The following FAM135B variants were observed in gnomAD, a reference collection of about 807,000 sequenced individuals.
FAM135B encodes protein FAM135B.
A neutral mutation model predicts 127.7 loss-of-function variants in FAM135B; 43 were observed. The observed-to-expected ratio is 0.34, with a 90% CI of 0.26 to 0.43. The LOEUF (loss-of-function observed/expected upper bound fraction) is 0.43, where lower values mean the gene tolerates loss of function less well. Ranked by LOEUF, FAM135B falls within the 20% of genes least tolerant of loss-of-function variation. The pLI, the probability that FAM135B is intolerant of heterozygous loss-of-function variation, is 1.00. For synonymous variants in FAM135B, 670 were observed against 665.1 expected (o/e 1.01, Z -0.11); for missense variants, 1,558 against 1,725.6 (o/e 0.90, Z 1.72).
At chr8:138,261,219 C>G (rs1315413531) in intron 4 of FAM135B, among the ~76,000 whole-genome samples, 1 of 152,086 alleles carries the variant, frequency 6.6e-6, no homozygotes. Flanking sequence ...GCTCACGAAT[C>G]TGCATTTTGT....
At chr8:138,449,227 G>A (rs1019092979) in intron 1 of FAM135B, among the ~76,000 whole-genome samples, 2 of 152,272 alleles carry the variant, frequency 1.3e-5, no homozygotes, top group South Asian at 4.1e-4. Context: ...CATTACAACT[G>A]TATTAAGTAG....
chr8:138,476,932 G>A (rs773048628), intron 1 of FAM135B, among the ~76,000 whole-genome samples: 8 of 152,182 alleles, frequency 5.3e-5, no homozygotes, highest in Non-Finnish European at 8.8e-5. Context: ...GGGTTTTCCC[G>A]ATTATGGAGA....
chr8:138,453,272 T>C (rs909063388), intron 1 of FAM135B, among the ~76,000 whole-genome samples: 13 of 152,082 alleles, frequency 8.5e-5, no homozygotes, highest in Admixed American at 7.9e-4. Flanking sequence ...TTGCGAAAAG[T>C]TCACATTACA....
At chr8:138,468,011 T>A (rs1239319851) in intron 1 of FAM135B, among the ~76,000 whole-genome samples, 1 of 152,196 alleles carries the variant, frequency 6.6e-6, no homozygotes, top group African/African-American at 2.4e-5. Flanking sequence ...AATATGCATA[T>A]GCATATTTTA....
chr8:138,174,525 CCT>C (rs1307916273), intron 11 of FAM135B, among the ~76,000 whole-genome samples: 3 of 152,178 alleles, frequency 2.0e-5, no homozygotes, highest in South Asian at 2.1e-4. Flanking sequence ...TGAAATTCTC[CCT>C]CTGTTTTACA....
intron 1 of FAM135B, among the ~76,000 whole-genome samples, chr8:138,369,733 A>G (rs972122389): frequency 6.6e-6 from 1 of 152,158 alleles, no homozygotes; most frequent in Non-Finnish European, 1.5e-5. Flanking sequence ...TCAAAGCCGG[A>G]TGGAGGGGCA....
chr8:138,154,152 C>T (rs1818460436), intron 12 of FAM135B, among the ~76,000 whole-genome samples: 2 of 152,170 alleles, frequency 1.3e-5, no homozygotes, highest in African/African-American at 4.8e-5. Context: ...CTGCAGCCTC[C>T]ACTGGTGATA....
intron 12 of FAM135B, among the ~76,000 whole-genome samples, chr8:138,160,131 G>T (rs968797341): frequency 2.0e-5 from 3 of 152,126 alleles, no homozygotes; most frequent in African/African-American, 7.2e-5. Flanking sequence ...TGCCTGGGGG[G>T]TGGTAAGTCC....
intron 7 of FAM135B, among the ~76,000 whole-genome samples, chr8:138,224,902 G>C (rs1260332478): frequency 6.6e-6 from 1 of 152,174 alleles, no homozygotes; most frequent in African/African-American, 2.4e-5. Flanking sequence ...GTGTTTATTA[G>C]AGACTGGCTG....
chr8:138,343,542 A>G (rs1401592917), intron 2 of FAM135B, among the ~76,000 whole-genome samples: 1 of 152,220 alleles, frequency 6.6e-6, no homozygotes, highest in African/African-American at 2.4e-5. Context: ...ACTGAGCCAC[A>G]GCCAACACGG....
rs528472571 is a variant in FAM135B, at chr8:138,243,433, G to T, written c.543-365C>A. 2.0e-5 allele frequency among the ~76,000 whole-genome samples: 3 copies of T among 152,146 alleles called. No individual in the cohort carries two copies. The highest frequency in any genetic ancestry group is 4.4e-5 in the Non-Finnish European group (3 of 68,038). On this transcript the variant is annotated intron_variant, in intron 6 of 19. Coordinates refer to ENST00000395297, the MANE Select transcript of FAM135B (RefSeq NM_015912.4). The surrounding 1 kb of genome is among the most constrained non-coding windows in gnomAD (Gnocchi z 7.5). Reference sequence around the variant, plus strand: ...TCAGGGGCAACTCTGACCAGACAAGGTCTGAGTCCTGTCCCTGCTCCTTCC... The same window carrying T: ...TCAGGGGCAACTCTGACCAGACAAGTTCTGAGTCCTGTCCCTGCTCCTTCC...
intron 1 of FAM135B, among the ~76,000 whole-genome samples, chr8:138,399,259 C>T (rs1833014258): frequency 6.6e-6 from 1 of 152,052 alleles, no homozygotes; most frequent in African/African-American, 2.4e-5. Flanking sequence ...TATGATTATC[C>T]AACCCACAGC....
At chr8:138,360,191 A>T (rs1830334379) in intron 2 of FAM135B, among the ~76,000 whole-genome samples, 1 of 152,228 alleles carries the variant, frequency 6.6e-6, no homozygotes, top group South Asian at 2.1e-4. Flanking sequence ...TTAATATTTA[A>T]AACCAAATTT....
At chr8:138,178,821 T>C in intron 9 of FAM135B, 131 bp from the exon 10 acceptor site, 1 of 699,492 alleles carries the variant, frequency 1.4e-6, no homozygotes, top group Non-Finnish European at 2.4e-6. Context: ...ATCTGTAGTA[T>C]TATATATTAC....
chr8:138,423,300 C>G (rs543067476), intron 1 of FAM135B, among the ~76,000 whole-genome samples: 36 of 152,284 alleles, frequency 2.4e-4, no homozygotes, highest in Non-Finnish European at 4.7e-4. Context: ...CCTTTGCTTT[C>G]TACTTAGGGA....
At chr8:138,494,659 G>C (rs1329039964) in intron 1 of FAM135B, among the ~76,000 whole-genome samples, 3 of 152,114 alleles carry the variant, frequency 2.0e-5, no homozygotes, top group African/African-American at 4.8e-5. Context: ...AATTCCTTCA[G>C]CAATAAAATC....
intron 2 of FAM135B, among the ~76,000 whole-genome samples, chr8:138,359,178 G>C (rs1172439681): frequency 6.6e-6 from 1 of 152,112 alleles, no homozygotes; most frequent in African/African-American, 2.4e-5. Context: ...TTGTATGAAA[G>C]GGGGATGTAA....
At chr8:138,298,146 G>A (rs1021775259) in intron 3 of FAM135B, among the ~76,000 whole-genome samples, 2 of 152,124 alleles carry the variant, frequency 1.3e-5, no homozygotes, top group Non-Finnish European at 1.5e-5. Context: ...GATGAGTTAA[G>A]TACAGCATAC....
At chr8:138,212,423 T>A (rs1292949587) in intron 7 of FAM135B, among the ~76,000 whole-genome samples, 1 of 152,066 alleles carries the variant, frequency 6.6e-6, no homozygotes, top group African/African-American at 2.4e-5. Flanking sequence ...AAAAAGGAAA[T>A]AAGAGGGAAA....
Sources: gnomAD v4.1 joint callset for allele counts (sites outside exome capture counted in the v4.1 genomes callset) on GRCh38, gnomAD v4.1.1 for gene constraint, Gnocchi (gnomAD v3.1) non-coding constraint, MANE v1.5 for transcripts, NCBI Gene and HGNC (gene_info 2026-07-23, HGNC 2026-07-21) for gene names.